The following RGS8 variants were observed in gnomAD, a reference collection of about 807,000 sequenced individuals.
RGS8 encodes regulator of G-protein signaling 8.
Under a neutral mutation model 21.7 loss-of-function variants are expected in RGS8, and 8 were observed. The ratio of observed to expected loss-of-function variants is 0.37; its 90% CI spans 0.22 to 0.66. RGS8 has a LOEUF of 0.66. RGS8 is among the 30% of genes least tolerant of loss of function. The probability of loss-of-function intolerance (pLI) is 0.59; values close to 1 mark genes in which losing one functional copy is unlikely to be tolerated. For synonymous variants in RGS8, 80 were observed against 83.6 expected (o/e 0.96, Z 0.24); for missense variants, 157 against 217.9 (o/e 0.72, Z 1.76).
upstream of RGS8, among the ~76,000 whole-genome samples, chr1:182,685,209 G>C (rs907190681): frequency 6.6e-6 from 1 of 152,214 alleles, no homozygotes; most frequent in Non-Finnish European, 1.5e-5. Context: ...CCATCCTGTG[G>C]CCAGAGGGTG....
chr1:182,720,791 A>G, the RGS8 span, among the ~76,000 whole-genome samples: 13 of 150,504 alleles, frequency 8.6e-5, no homozygotes, highest in African/African-American at 3.2e-4. Context: ...TTATAATTAT[A>G]TGTGTGTGTG....
chr1:182,658,605 T>C (rs1663399369), intron 5 of RGS8: 1 of 152,206 alleles, frequency 6.6e-6, no homozygotes, highest in South Asian at 2.1e-4. Context: ...CAGAAACAAA[T>C]CACTGCTTTG....
Position 182,646,925 on chromosome 1 carries a change from TACAA to T in RGS8, c.361-12_361-9del. ...CTGGAAGTCAATGTTTACCTAGAGA[TACAA>T]ACAGAGAGCAAGGTCACAGGCCCTC... is the stretch of plus-strand genomic sequence containing the variant. On this transcript the variant is annotated splice_polypyrimidine_tract_variant and intron_variant, in intron 6 of 6. Coordinates refer to ENST00000483095, the Ensembl canonical transcript of RGS8. The T allele has an allele frequency of 1.9e-6, 3 of 1,610,946 alleles. No individual in the cohort carries two copies. Among genetic ancestry groups the T allele is most frequent in the East Asian group, 4.5e-5 (2 of 44,876 alleles).
the RGS8 span, among the ~76,000 whole-genome samples, chr1:182,738,793 A>C: frequency 6.6e-6 from 1 of 152,264 alleles, no homozygotes. Context: ...TGCATCTGGG[A>C]AGCAGTCCAG....
upstream of RGS8, among the ~76,000 whole-genome samples, chr1:182,689,307 C>A (rs1198588767): frequency 2.1e-5 from 3 of 143,086 alleles, no homozygotes; most frequent in South Asian, 2.3e-4. Flanking sequence ...ACACACACAC[C>A]CCACAAGTGA....
At chr1:182,702,683 C>A in the RGS8 span, among the ~76,000 whole-genome samples, 1 of 152,236 alleles carries the variant, frequency 6.6e-6, no homozygotes, top group East Asian at 1.9e-4. Flanking sequence ...TTAGATATTA[C>A]CTGTATCCAT....
intron 1 of RGS8, 104 bp from the exon 3 acceptor site, chr1:182,671,834 G>A (rs1664179502): frequency 6.3e-7 from 1 of 1,581,524 alleles, no homozygotes. Context: ...ACACACACAG[G>A]CATGCACAAC....
At chr1:182,722,586 C>T in the RGS8 span, among the ~76,000 whole-genome samples, 5 of 152,024 alleles carry the variant, frequency 3.3e-5, no homozygotes, top group Admixed American at 1.3e-4. Flanking sequence ...CAGCAGTCCT[C>T]GGGGTTACTT....
At chr1:182,751,531 C>A in the RGS8 span, among the ~76,000 whole-genome samples, 1 of 152,122 alleles carries the variant, frequency 6.6e-6, no homozygotes, top group Non-Finnish European at 1.5e-5. Context: ...AAAAGGGGTT[C>A]ATTTTCCCTG....
upstream of RGS8, among the ~76,000 whole-genome samples, chr1:182,676,958 T>TG (rs1367064872): frequency 1.3e-5 from 2 of 152,230 alleles, no homozygotes; most frequent in African/African-American, 4.8e-5. Context: ...AGAAAGTCTA[T>TG]GGGGGAAATG....
At chr1:182,696,667 C>T in the RGS8 span, among the ~76,000 whole-genome samples, 1 of 152,200 alleles carries the variant, frequency 6.6e-6, no homozygotes, top group Non-Finnish European at 1.5e-5. Context: ...AACTTTAAAC[C>T]TTGGATCTGG....
intron 1 of RGS8, among the ~76,000 whole-genome samples, chr1:182,679,797 C>T (rs928360422): frequency 1.3e-5 from 2 of 151,922 alleles, no homozygotes; most frequent in African/African-American, 2.4e-5. Context: ...TTTTATCCGC[C>T]GCCCTCACCA....
chr1:182,708,153 C>G, the RGS8 span, among the ~76,000 whole-genome samples: 1 of 152,228 alleles, frequency 6.6e-6, no homozygotes, highest in Non-Finnish European at 1.5e-5. Flanking sequence ...CCAAGGACGT[C>G]TGACCCCAAA....
the RGS8 span, among the ~76,000 whole-genome samples, chr1:182,731,872 C>T: frequency 3.3e-5 from 5 of 152,218 alleles, no homozygotes; most frequent in African/African-American, 1.2e-4. Context: ...GCTAATCTCT[C>T]CAAGCCTTGG....
At chr1:182,719,706 G>A in the RGS8 span, among the ~76,000 whole-genome samples, 1 of 150,968 alleles carries the variant, frequency 6.6e-6, no homozygotes, top group African/African-American at 2.4e-5. Context: ...TATGATTATA[G>A]GCATGAGCCA....
At chr1:182,671,839 C>A in intron 1 of RGS8, 109 bp from the exon 3 acceptor site, 1 of 1,572,410 alleles carries the variant, frequency 6.4e-7, no homozygotes, top group African/African-American at 1.3e-5. Flanking sequence ...CACAGGCATG[C>A]ACAACACACC....
At chr1:182,722,027 T>G in the RGS8 span, among the ~76,000 whole-genome samples, 1 of 152,208 alleles carries the variant, frequency 6.6e-6, no homozygotes, top group Non-Finnish European at 1.5e-5. Flanking sequence ...TCAGAATTGC[T>G]GTGTTTTAGG....
intron 3 of RGS8, among the ~76,000 whole-genome samples, chr1:182,667,851 A>T (rs1161172592): frequency 6.9e-6 from 1 of 145,280 alleles, no homozygotes; most frequent in Non-Finnish European, 1.5e-5. Context: ...AATATGTTTA[A>T]TTTTTTTTTT....
At chr1:182,750,628 T>C in the RGS8 span, among the ~76,000 whole-genome samples, 2 of 152,236 alleles carry the variant, frequency 1.3e-5, no homozygotes, top group Non-Finnish European at 2.9e-5. Context: ...CACCAAAATT[T>C]CTCCATCAAT....
Sources: allele counts gnomAD v4.1 joint callset (sites outside exome capture counted in the v4.1 genomes callset), GRCh38; gene constraint gnomAD v4.1.1; transcripts MANE v1.5; gene names NCBI Gene and HGNC (gene_info 2026-07-23, HGNC 2026-07-21).